Variants in ZNF804B observed in about 807,000 individuals in gnomAD.
ZNF804B encodes zinc finger 804B.
A neutral mutation model predicts 101.4 loss-of-function variants in ZNF804B; 80 were observed. The observed-to-expected ratio is 0.79, with a 90% CI of 0.66 to 0.95. The LOEUF is 0.95. ZNF804B is among the 40% of genes least tolerant of loss of function. The probability of loss-of-function intolerance (pLI) is 0.00; values close to 1 mark genes in which losing one functional copy is unlikely to be tolerated. For missense variants in ZNF804B, 1,673 were observed against 1,561.9 expected (o/e 1.07, Z -1.20); for synonymous variants, 622 against 558.8 (o/e 1.11, Z -1.59).
At chr7:88,787,623 A>G (rs530367626) in intron 1 of ZNF804B, among the ~76,000 whole-genome samples, 1 of 152,296 alleles carries the variant, frequency 6.6e-6, no homozygotes, top group African/African-American at 2.4e-5. Context: ...GGAACTTTAC[A>G]CCATTGTTTT....
At chr7:89,077,512 C>G (rs1789633048) in intron 1 of ZNF804B, among the ~76,000 whole-genome samples, 2 of 151,936 alleles carry the variant, frequency 1.3e-5, no homozygotes, top group Admixed American at 1.3e-4. Context: ...ATCGTTTATT[C>G]TTGAGTAAGA....
chr7:89,006,433 T>TATA (rs748706028), intron 1 of ZNF804B, among the ~76,000 whole-genome samples: 1 of 152,124 alleles, frequency 6.6e-6, no homozygotes, highest in Non-Finnish European at 1.5e-5. Context: ...GCAGTGACAT[T>TATA]ATACAAACCA....
At chr7:88,936,759 A>G (rs1792977534) in intron 1 of ZNF804B, among the ~76,000 whole-genome samples, 1 of 152,038 alleles carries the variant, frequency 6.6e-6, no homozygotes, top group Non-Finnish European at 1.5e-5. Flanking sequence ...AACTTCATAA[A>G]TAGAGTTCTA....
intron 3 of ZNF804B, among the ~76,000 whole-genome samples, chr7:89,333,076 A>G (rs1158032969): frequency 1.3e-5 from 2 of 151,980 alleles, no homozygotes; most frequent in Admixed American, 6.6e-5. Flanking sequence ...GATAGATTCT[A>G]TAGGACATAT....
At chr7:89,299,059 C>T (rs1316689709) in intron 2 of ZNF804B, among the ~76,000 whole-genome samples, 1 of 152,028 alleles carries the variant, frequency 6.6e-6, no homozygotes. Context: ...TCAGACTTCT[C>T]AACTTTCATA....
chr7:89,078,033 T>C (rs887597245), intron 1 of ZNF804B, among the ~76,000 whole-genome samples: 1 of 152,096 alleles, frequency 6.6e-6, no homozygotes, highest in African/African-American at 2.4e-5. Context: ...TGTAAAGGCA[T>C]TACTCTAATT....
At chr7:89,255,831 A>G (rs775339785) in intron 2 of ZNF804B, among the ~76,000 whole-genome samples, 4 of 152,186 alleles carry the variant, frequency 2.6e-5, no homozygotes, top group African/African-American at 7.2e-5. Flanking sequence ...GAGAACTAGT[A>G]TTCAGACCAT....
In ZNF804B at chr7:89,156,643, T is replaced by C. The variant is rs564997800; in HGVS notation, c.109-61512T>C. 2.6e-5 allele frequency among the ~76,000 whole-genome samples: 4 copies of C among 152,264 alleles called. No homozygotes were observed. The South Asian group carries it at 6.2e-4, about 24-fold the overall frequency. On this transcript the variant is annotated intron_variant, in intron 1 of 3. Coordinates refer to ENST00000333190, the MANE Select transcript of ZNF804B (RefSeq NM_181646.5). ...GCATGAACTTTTTTTTTTCTATCTA[T>C]ATATTTACAGAAACTGACTATCTCT...
chr7:88,990,551 AG>A (rs1793830135), intron 1 of ZNF804B, among the ~76,000 whole-genome samples: 1 of 152,132 alleles, frequency 6.6e-6, no homozygotes, highest in Admixed American at 6.6e-5. Flanking sequence ...TCTAAAGATC[AG>A]GTTCCTCTGA....
At chr7:89,139,542 A>G (rs1367609237) in intron 1 of ZNF804B, among the ~76,000 whole-genome samples, 2 of 152,126 alleles carry the variant, frequency 1.3e-5, no homozygotes, top group Non-Finnish European at 2.9e-5. Flanking sequence ...AATTGAGGTA[A>G]TATTCCAAAT....
intron 1 of ZNF804B, among the ~76,000 whole-genome samples, chr7:89,000,465 T>G (rs1001307127): frequency 1.2e-4 from 18 of 151,986 alleles, no homozygotes; most frequent in Non-Finnish European, 2.1e-4. Context: ...GATATAGTTG[T>G]CAAATAAAAC....
At chr7:89,046,005 G>T (rs978783244) in intron 1 of ZNF804B, among the ~76,000 whole-genome samples, 5 of 152,010 alleles carry the variant, frequency 3.3e-5, no homozygotes, top group Admixed American at 1.3e-4. Context: ...ATAATCCCCA[G>T]GTTTCATGGG....
intron 1 of ZNF804B, among the ~76,000 whole-genome samples, chr7:89,051,832 C>G (rs1354044665): frequency 1.3e-5 from 2 of 152,108 alleles, no homozygotes; most frequent in Non-Finnish European, 2.9e-5. Context: ...CATCTCTTAC[C>G]AGTGTGTCTT....
intron 1 of ZNF804B, among the ~76,000 whole-genome samples, chr7:88,790,183 C>G (rs1790357175): frequency 6.6e-6 from 1 of 152,068 alleles, no homozygotes; most frequent in South Asian, 2.1e-4. Flanking sequence ...TATGTTCACA[C>G]TGTTAAATAT....
intron 1 of ZNF804B, among the ~76,000 whole-genome samples, chr7:89,020,688 C>T (rs545926536): frequency 2.4e-3 from 369 of 152,168 alleles, no homozygotes; most frequent in African/African-American, 8.0e-3. Context: ...TAGGAATTCC[C>T]ATAATGTGCA....
intron 2 of ZNF804B, among the ~76,000 whole-genome samples, chr7:89,283,576 TTTG>T (rs1790132192): frequency 6.6e-6 from 1 of 152,198 alleles, no homozygotes; most frequent in Non-Finnish European, 1.5e-5. Context: ...TGTGTCACTT[TTTG>T]TTGTTACTAT....
chr7:89,159,872 T>C (rs1169203086), intron 1 of ZNF804B, among the ~76,000 whole-genome samples: 1 of 152,138 alleles, frequency 6.6e-6, no homozygotes, highest in African/African-American at 2.4e-5. Context: ...TTTGGGAAAG[T>C]CTTTGGACAC....
chr7:89,142,758 T>G (rs1790735970), intron 1 of ZNF804B, among the ~76,000 whole-genome samples: 1 of 152,048 alleles, frequency 6.6e-6, no homozygotes, highest in Admixed American at 6.6e-5. Flanking sequence ...TTTGTGCTAT[T>G]AATTCTTAGT....
intron 2 of ZNF804B, among the ~76,000 whole-genome samples, chr7:89,289,576 T>G (rs1790255546): frequency 6.6e-6 from 1 of 151,992 alleles, no homozygotes; most frequent in South Asian, 2.1e-4. Context: ...TGAGAGACAT[T>G]GCATTAAGCT....
Sources: allele counts gnomAD v4.1 joint callset (sites outside exome capture counted in the v4.1 genomes callset), GRCh38; gene constraint gnomAD v4.1.1; transcripts MANE v1.5; gene names NCBI Gene and HGNC (gene_info 2026-07-23, HGNC 2026-07-21).